The following SMAP1 variants were observed in gnomAD, a reference collection of about 807,000 sequenced individuals.
SMAP1 encodes the protein stromal membrane-associated protein 1.
A neutral mutation model predicts 58.5 loss-of-function variants in SMAP1; 24 were observed. That is an observed-to-expected ratio of 0.41 (90% confidence interval 0.30 to 0.58). The LOEUF (loss-of-function observed/expected upper bound fraction) is 0.58, where lower values mean the gene tolerates loss of function less well. Ranked by LOEUF, SMAP1 falls within the 20% of genes least tolerant of loss-of-function variation. SMAP1 has a pLI of 0.29. For missense variants in SMAP1, 563 were observed against 566.3 expected (o/e 0.99, Z 0.06); for synonymous variants, 216 against 196.6 (o/e 1.10, Z -0.82).
chr6:70,697,955 C>T (rs1179903442), intron 1 of SMAP1, among the ~76,000 whole-genome samples: 2 of 152,178 alleles, frequency 1.3e-5, no homozygotes, highest in Non-Finnish European at 2.9e-5. Context: ...AATTACAATG[C>T]TACAATATTC....
At position 70,822,237 on chromosome 6, in the gene SMAP1, A is replaced by G. The variant is rs74413859; in HGVS notation, c.577-14704A>G. Among the ~76,000 whole-genome samples, 8 of 152,316 alleles carry G rather than the reference A, an allele frequency of 5.3e-5. No homozygotes were observed. In the East Asian group the frequency reaches 1.3e-3, roughly 26 times the overall value. On this transcript the variant is annotated intron_variant, in intron 6 of 10. Coordinates refer to ENST00000370455, the MANE Select transcript of SMAP1 (RefSeq NM_001044305.3). ...TTAGATTAGATGGGTCATTGAAGGT[A>G]ATAAAAATAGCAAGCACATACTTTG... is the stretch of plus-strand genomic sequence containing the variant.
chr6:70,765,716 A>C (rs1287613288), intron 3 of SMAP1, among the ~76,000 whole-genome samples: 2 of 151,422 alleles, frequency 1.3e-5, no homozygotes, highest in African/African-American at 4.8e-5. Context: ...ATTTGTATTC[A>C]CTTTTCTTTT....
intron 6 of SMAP1, among the ~76,000 whole-genome samples, chr6:70,834,955 T>C (rs987787661): frequency 1.4e-4 from 22 of 152,006 alleles, no homozygotes; most frequent in Admixed American, 9.8e-4. Flanking sequence ...TTGAGAGAGT[T>C]ATTAAAGAAT....
intron 1 of SMAP1, among the ~76,000 whole-genome samples, chr6:70,676,914 C>T (rs1193548794): frequency 6.6e-6 from 1 of 152,038 alleles, no homozygotes; most frequent in African/African-American, 2.4e-5. Context: ...TCCCAAGTAG[C>T]TGGGACTACA....
chr6:70,740,365 C>A (rs1440419580), intron 2 of SMAP1, among the ~76,000 whole-genome samples: 1 of 151,972 alleles, frequency 6.6e-6, no homozygotes, highest in Non-Finnish European at 1.5e-5. Context: ...TTCGAACCAG[C>A]CTGGCCAATA....
chr6:70,812,142 G>C (rs965124924), intron 6 of SMAP1, among the ~76,000 whole-genome samples: 1 of 152,176 alleles, frequency 6.6e-6, no homozygotes, highest in Non-Finnish European at 1.5e-5. Context: ...AAAGCAAAAC[G>C]TTAGGTAAGG....
intron 7 of SMAP1, among the ~76,000 whole-genome samples, chr6:70,843,953 T>C (rs1701932910): frequency 6.6e-6 from 1 of 152,072 alleles, no homozygotes; most frequent in African/African-American, 2.4e-5. Context: ...ACTCAAAAAT[T>C]ATGCTGAGTA....
At chr6:70,732,772 A>G (rs982574303) in intron 2 of SMAP1, among the ~76,000 whole-genome samples, 2 of 152,124 alleles carry the variant, frequency 1.3e-5, no homozygotes, top group Non-Finnish European at 2.9e-5. Flanking sequence ...TCTCTTGTTG[A>G]TAAAATTTGC....
intron 1 of SMAP1, among the ~76,000 whole-genome samples, chr6:70,720,601 T>G (rs1768479820): frequency 1.3e-5 from 2 of 152,228 alleles, no homozygotes; most frequent in South Asian, 4.1e-4. Context: ...GCAGCAAACT[T>G]GTGCCTGGGC....
intron 7 of SMAP1, among the ~76,000 whole-genome samples, chr6:70,843,647 G>A (rs1259652277): frequency 2.0e-5 from 3 of 152,158 alleles, no homozygotes; most frequent in African/African-American, 7.2e-5. Context: ...TGCTATACAC[G>A]AAATAGACAT....
At chr6:70,835,249 C>T (rs1483546901) in intron 6 of SMAP1, among the ~76,000 whole-genome samples, 28 of 95,428 alleles carry the variant, frequency 2.9e-4, no homozygotes, top group Admixed American at 5.5e-4. Flanking sequence ...GAGACTCCGT[C>T]TCAAAAAAAA....
At position 70,739,969 on chromosome 6, in the gene SMAP1, A is replaced by G. The variant is rs1765750265; in HGVS notation, c.252+7458A>G. Among the ~76,000 whole-genome samples, 4 of 150,822 alleles carry G rather than the reference A, an allele frequency of 2.7e-5. 1 individual carries two copies. Among genetic ancestry groups the G allele is most frequent in the African/African-American group, 9.8e-5 (4 of 40,982 alleles). On this transcript the variant is annotated intron_variant, in intron 2 of 10. Coordinates refer to ENST00000370455, the MANE Select transcript of SMAP1 (RefSeq NM_001044305.3). ...TCAAATTTGGTTGTTCTGTTTTTCC[A>G]TGTCTTTAATTTTATATGTTTTTTC...
At chr6:70,749,201 A>C (rs577440481) in intron 2 of SMAP1, among the ~76,000 whole-genome samples, 6 of 152,222 alleles carry the variant, frequency 3.9e-5, no homozygotes, top group Admixed American at 3.9e-4. Context: ...TGCAGGGGAA[A>C]CTGCCATTTT....
chr6:70,746,798 G>T lies in SMAP1; in HGVS notation c.253-8182G>T, dbSNP rs571973940. 2.0e-3 allele frequency among the ~76,000 whole-genome samples: 298 copies of T among 152,128 alleles called. 5 individuals are homozygous for T. The highest frequency in any genetic ancestry group is 9.1e-4 in the Non-Finnish European group (62 of 68,010). ...TAGAATTTAGCTGTGAATCCATCTG[G>T]TCCTGGATTTTTTTTGGTTGATAGG... On this transcript the variant is annotated intron_variant, in intron 2 of 10. Transcript: ENST00000370455.
chr6:70,749,608 AC>A (rs762889988), intron 2 of SMAP1, among the ~76,000 whole-genome samples: 163 of 151,596 alleles, frequency 1.1e-3, no homozygotes, highest in African/African-American at 2.3e-3. Flanking sequence ...TAAAAAAAAA[AC>A]AACAACCAGT....
chr6:70,693,562 A>C (rs1767272658), intron 1 of SMAP1, among the ~76,000 whole-genome samples: 1 of 152,052 alleles, frequency 6.6e-6, no homozygotes, highest in East Asian at 1.9e-4. Context: ...TCGGCCTCCC[A>C]AAGTGCTGGG....
At chr6:70,819,879 A>G (rs1205791617) in intron 6 of SMAP1, among the ~76,000 whole-genome samples, 2 of 152,218 alleles carry the variant, frequency 1.3e-5, no homozygotes, top group African/African-American at 4.8e-5. Context: ...AACCTGTCTT[A>G]GCCTGTGGTT....
chr6:70,742,070 A>G (rs1027622763), intron 2 of SMAP1, among the ~76,000 whole-genome samples: 3 of 152,196 alleles, frequency 2.0e-5, no homozygotes, highest in African/African-American at 7.2e-5. Flanking sequence ...AGCCTGTGAT[A>G]GGAGGGGCTG....
chr6:70,727,423 A>G (rs1373502671), intron 1 of SMAP1, among the ~76,000 whole-genome samples: 1 of 152,184 alleles, frequency 6.6e-6, no homozygotes, highest in African/African-American at 2.4e-5. Flanking sequence ...TAATAATCAC[A>G]TCAAATGCCA....
Sources: gnomAD v4.1 joint callset for allele counts (sites outside exome capture counted in the v4.1 genomes callset) on GRCh38, gnomAD v4.1.1 for gene constraint, MANE v1.5 for transcripts, NCBI Gene and HGNC (gene_info 2026-07-23, HGNC 2026-07-21) for gene names.